SLC6A11: variants seen among roughly 807,000 people sequenced by gnomAD.
SLC6A11 encodes the protein sodium- and chloride-dependent GABA transporter 3.
SLC6A11 carries 25 observed loss-of-function variants against 74.8 expected under a neutral mutation model. The ratio of observed to expected loss-of-function variants is 0.33; its 90% CI spans 0.24 to 0.47. The LOEUF (loss-of-function observed/expected upper bound fraction) is 0.47. SLC6A11 is among the 20% of genes least tolerant of loss of function. The pLI is 1.00. For missense variants in SLC6A11, 574 were observed against 837.0 expected, an observed-to-expected ratio of 0.69 and a Z score of 3.88; for synonymous variants, 330 against 330.2, an observed-to-expected ratio of 1.00 and a Z score of 0.01.
At chr3:10,849,822 A>T (rs1016261144) in intron 5 of SLC6A11, among the ~76,000 whole-genome samples, 1 of 97,824 alleles carries the variant, frequency 1.0e-5, no homozygotes. Flanking sequence ...AAAAAAAAAA[A>T]CGAAAAAAAA....
chr3:10,888,377 G>A (rs995496108), intron 6 of SLC6A11, among the ~76,000 whole-genome samples: 11 of 152,180 alleles, frequency 7.2e-5, no homozygotes, highest in African/African-American at 2.4e-4. Flanking sequence ...CTTGAGTTTC[G>A]AGGAGTATGG....
At chr3:10,909,038 C>T (rs1695348831) in intron 6 of SLC6A11, among the ~76,000 whole-genome samples, 1 of 148,576 alleles carries the variant, frequency 6.7e-6, no homozygotes, top group Non-Finnish European at 1.5e-5. Context: ...GTGTGTTGGC[C>T]TTAATTCTCA....
chr3:10,848,190 C>T lies in SLC6A11; in HGVS notation c.756+3844C>T, dbSNP rs17033529. ...TGAGCATTTCACCTGTTCAGGGAGG[C>T]AGACACTGTAGACCTGGCCTTTCAT... On this transcript the variant is annotated intron_variant, in intron 5 of 13. Coordinates refer to ENST00000254488, the MANE Select transcript of SLC6A11 (RefSeq NM_014229.3). 4.9e-3 allele frequency among the ~76,000 whole-genome samples: 743 copies of T among 152,320 alleles called. 24 individuals carry two copies. The East Asian group carries it at 0.079, about 16-fold the overall frequency.
At chr3:10,934,967 C>G in intron 12 of SLC6A11, 62 bp from the exon 13 acceptor site, 1 of 1,451,434 alleles carries the variant, frequency 6.9e-7, no homozygotes, top group Non-Finnish European at 9.5e-7. Flanking sequence ...GGCCTCAGAC[C>G]CCTCATGGCC....
intron 7 of SLC6A11, among the ~76,000 whole-genome samples, chr3:10,916,625 C>A (rs1377849970): frequency 6.6e-6 from 1 of 152,206 alleles, no homozygotes; most frequent in Non-Finnish European, 1.5e-5. Flanking sequence ...CCATCTCAAG[C>A]CTCTGTTTAT....
chr3:10,907,163 G>A (rs956976828), intron 6 of SLC6A11, among the ~76,000 whole-genome samples: 7 of 152,090 alleles, frequency 4.6e-5, no homozygotes, highest in Admixed American at 3.9e-4. Flanking sequence ...GAGGCAAATA[G>A]CATACATGAA....
chr3:10,871,138 TACATGGTGCCTGGGA>T (rs1269494987), intron 5 of SLC6A11, among the ~76,000 whole-genome samples: 1 of 152,162 alleles, frequency 6.6e-6, no homozygotes, highest in Non-Finnish European at 1.5e-5. Flanking sequence ...CAGTCTTCTG[TACATGGTGCCTGGGA>T]ACTGTGAGGC....
At chr3:10,885,087 C>T (rs958169832) in intron 6 of SLC6A11, among the ~76,000 whole-genome samples, 2 of 152,210 alleles carry the variant, frequency 1.3e-5, no homozygotes, top group Admixed American at 1.3e-4. Flanking sequence ...CCCTTTCTCA[C>T]ATGGCAGACC....
intron 5 of SLC6A11, among the ~76,000 whole-genome samples, chr3:10,858,756 C>T (rs566984038): frequency 3.3e-5 from 5 of 152,294 alleles, no homozygotes; most frequent in South Asian, 2.1e-4. Context: ...TATTGTTTTA[C>T]GGAGCTATGT....
intron 8 of SLC6A11, 115 bp from the exon 9 acceptor site, chr3:10,925,889 G>A: frequency 3.0e-6 from 2 of 668,086 alleles, no homozygotes; most frequent in African/African-American, 3.6e-5. Context: ...ATTTGAGTGA[G>A]AGGCAGGCAC....
chr3:10,887,721 G>T (rs920396020), intron 6 of SLC6A11, among the ~76,000 whole-genome samples: 2 of 152,220 alleles, frequency 1.3e-5, no homozygotes, highest in Admixed American at 1.3e-4. Flanking sequence ...GGGATTACAG[G>T]TGTGAGCTAC....
At chr3:10,876,541 TTCCAAATCTGGCTGATCA>T (rs1694908704) in intron 6 of SLC6A11, among the ~76,000 whole-genome samples, 1 of 152,128 alleles carries the variant, frequency 6.6e-6, no homozygotes, top group Admixed American at 6.6e-5. Context: ...CACCCAGAGT[TTCCAAATCTGGCTGATCA>T]TCCGAATACC....
chr3:10,934,969 C>A, intron 12 of SLC6A11, 60 bp from the exon 13 acceptor site: 1 of 1,490,268 alleles, frequency 6.7e-7, no homozygotes, highest in Non-Finnish European at 9.2e-7. Context: ...CCTCAGACCC[C>A]TCATGGCCTA....
intron 7 of SLC6A11, among the ~76,000 whole-genome samples, chr3:10,917,667 G>A (rs1243116600): frequency 6.6e-6 from 1 of 152,164 alleles, no homozygotes; most frequent in South Asian, 2.1e-4. Flanking sequence ...TTATGCTGGT[G>A]CTTCTTAGCT....
intron 5 of SLC6A11, among the ~76,000 whole-genome samples, chr3:10,851,758 G>A (rs923964082): frequency 6.6e-6 from 1 of 152,292 alleles, no homozygotes; most frequent in Non-Finnish European, 1.5e-5. Context: ...GAGCCCATCA[G>A]GGTCAGGGAG....
intron 5 of SLC6A11, among the ~76,000 whole-genome samples, chr3:10,870,975 AT>A (rs1031538413): frequency 5.3e-5 from 8 of 152,376 alleles, no homozygotes; most frequent in African/African-American, 1.9e-4. Context: ...TAAAAGAAGT[AT>A]AAAAATGAAG....
chr3:10,870,719 A>C (rs1307567377), intron 5 of SLC6A11, among the ~76,000 whole-genome samples: 1 of 152,216 alleles, frequency 6.6e-6, no homozygotes, highest in East Asian at 1.9e-4. Flanking sequence ...TATCCTCAGC[A>C]TTGAATTTCA....
At chr3:10,833,594 G>A (rs1291946549) in intron 4 of SLC6A11, among the ~76,000 whole-genome samples, 1 of 152,164 alleles carries the variant, frequency 6.6e-6, no homozygotes, top group Non-Finnish European at 1.5e-5. Context: ...GCCGTGCCGT[G>A]GTGTGGTGTG....
At chr3:10,853,344 C>T (rs1028063909) in intron 5 of SLC6A11, among the ~76,000 whole-genome samples, 1 of 152,210 alleles carries the variant, frequency 6.6e-6, no homozygotes, top group African/African-American at 2.4e-5. Context: ...TAAGCCGCAG[C>T]TGGCATGCTG....
Sources: allele counts gnomAD v4.1 joint callset (sites outside exome capture counted in the v4.1 genomes callset), GRCh38; gene constraint gnomAD v4.1.1; transcripts MANE v1.5; gene names NCBI Gene and HGNC (gene_info 2026-07-23, HGNC 2026-07-21).